The following HSD17B2 variants were observed in gnomAD, a reference collection of about 807,000 sequenced individuals.
The protein encoded by HSD17B2 is hydroxysteroid 17-beta dehydrogenase 2, also known as 17-beta-hydroxysteroid dehydrogenase type 2.
In HSD17B2, 32 loss-of-function variants were observed where a neutral mutation model predicts 26.9. That is an observed-to-expected ratio of 1.19 (90% CI 0.90 to 1.60). HSD17B2 has a LOEUF of 1.60. Among genes scored for constraint, HSD17B2 ranks in the 40% most tolerant of loss-of-function variants. HSD17B2 has a pLI of 0.00. For missense variants in HSD17B2, 613 were observed against 468.6 expected, an observed-to-expected ratio of 1.31 and a Z score of -2.85; for synonymous variants, 246 against 186.7, an observed-to-expected ratio of 1.32 and a Z score of -2.59.
intron 1 of HSD17B2, among the ~76,000 whole-genome samples, chr16:82,047,583 G>A (rs1263648437): frequency 6.6e-6 from 1 of 152,190 alleles, no homozygotes; most frequent in African/African-American, 2.4e-5. Flanking sequence ...GGGCAGAAGT[G>A]AGAAGAGGCA....
intron 2 of HSD17B2, among the ~76,000 whole-genome samples, chr16:82,070,135 G>T (rs1454711105): frequency 1.3e-5 from 2 of 151,886 alleles, no homozygotes; most frequent in Admixed American, 6.6e-5. Context: ...GTCAAATGTT[G>T]TTTTTTTTCC....
At chr16:82,085,363 T>G (rs1460352158) in intron 3 of HSD17B2, among the ~76,000 whole-genome samples, 1 of 152,136 alleles carries the variant, frequency 6.6e-6, no homozygotes, top group Non-Finnish European at 1.5e-5. Context: ...CTGGGTTGTG[T>G]GAGAGATTTA....
chr16:82,048,407 CA>C (rs1465042239), intron 1 of HSD17B2, among the ~76,000 whole-genome samples: 1 of 152,068 alleles, frequency 6.6e-6, no homozygotes, highest in African/African-American at 2.4e-5. Context: ...GGAAAGGGCA[CA>C]GGAAGGAGTC....
chr16:82,074,904 TCTC>T (rs1904293606), intron 3 of HSD17B2, among the ~76,000 whole-genome samples: 1 of 152,188 alleles, frequency 6.6e-6, no homozygotes. Flanking sequence ...TATGCATTCT[TCTC>T]CTGAGCACAT....
intron 4 of HSD17B2, chr16:82,096,429 G>C (rs1183616656): frequency 6.6e-6 from 1 of 151,856 alleles, no homozygotes; most frequent in Non-Finnish European, 1.5e-5. Flanking sequence ...TCACCATGTT[G>C]GCTAGGCTGG....
intron 4 of HSD17B2, chr16:82,094,197 C>A (rs1248707876): frequency 4.6e-5 from 7 of 152,110 alleles, no homozygotes; most frequent in African/African-American, 1.4e-4. Context: ...GAATGCAGCC[C>A]AGCAGGTCTC....
At chr16:82,092,720 G>C (rs535537454) in intron 4 of HSD17B2, 1 of 152,348 alleles carries the variant, frequency 6.6e-6, no homozygotes, top group Non-Finnish European at 1.5e-5. Context: ...GGGACTCCCT[G>C]GGTTGGGAGG....
At chr16:82,047,379 T>A (rs4589548) in intron 1 of HSD17B2, among the ~76,000 whole-genome samples, 1 of 152,182 alleles carries the variant, frequency 6.6e-6, no homozygotes, top group African/African-American at 2.4e-5. Flanking sequence ...TGATTAGCAG[T>A]GTGGAAAGGG....
At chr16:82,046,465 G>A (rs1004719264) in intron 1 of HSD17B2, among the ~76,000 whole-genome samples, 1 of 152,156 alleles carries the variant, frequency 6.6e-6, no homozygotes, top group African/African-American at 2.4e-5. Context: ...GCTCACGCCT[G>A]TAATCCCAGC....
chr16:82,054,604 C>A (rs1914210288), intron 1 of HSD17B2, among the ~76,000 whole-genome samples: 1 of 152,194 alleles, frequency 6.6e-6, no homozygotes, highest in Admixed American at 6.5e-5. Context: ...CCCAGCCTCC[C>A]AAAGTGCTGG....
chr16:82,080,942 T>C (rs1001662381), intron 3 of HSD17B2, among the ~76,000 whole-genome samples: 51 of 152,120 alleles, frequency 3.4e-4, no homozygotes, highest in African/African-American at 1.2e-3. Flanking sequence ...GTTGTTGTTT[T>C]TGTTTTTTTT....
intron 3 of HSD17B2, among the ~76,000 whole-genome samples, chr16:82,072,185 T>C (rs529717690): frequency 4.5e-4 from 69 of 152,116 alleles, no homozygotes; most frequent in African/African-American, 1.5e-3. Flanking sequence ...TTGGTTGGCC[T>C]GAGGCATAAA....
chr16:82,055,140 T>G (rs1358822540), intron 1 of HSD17B2, among the ~76,000 whole-genome samples: 1 of 152,242 alleles, frequency 6.6e-6, no homozygotes, highest in Admixed American at 6.5e-5. Context: ...AAAGGCCACA[T>G]GGACTGGCCT....
At chr16:82,060,192 T>C (rs977457434) in intron 1 of HSD17B2, among the ~76,000 whole-genome samples, 6 of 152,200 alleles carry the variant, frequency 3.9e-5, no homozygotes, top group African/African-American at 1.4e-4. Context: ...GCCTAAGTCT[T>C]AAACTAAAGG....
At chr16:82,096,658 A>G (rs1904848189) in intron 4 of HSD17B2, 1 of 152,068 alleles carries the variant, frequency 6.6e-6, no homozygotes, top group Admixed American at 6.6e-5. Context: ...GATATATTAT[A>G]TATGTAATAG....
intron 2 of HSD17B2, among the ~76,000 whole-genome samples, chr16:82,070,173 G>T (rs1384751568): frequency 2.0e-5 from 3 of 151,916 alleles, no homozygotes; most frequent in Non-Finnish European, 4.4e-5. Context: ...AAATCGGTTT[G>T]CTCTCCTGCA....
At chr16:82,041,938 C>T (rs1394390972) in intron 1 of HSD17B2, among the ~76,000 whole-genome samples, 2 of 151,670 alleles carry the variant, frequency 1.3e-5, no homozygotes, top group Non-Finnish European at 2.9e-5. Flanking sequence ...TTAAATTTGG[C>T]ATGTTTTAAA....
At chr16:82,052,750 C>A (rs561080111) in intron 1 of HSD17B2, among the ~76,000 whole-genome samples, 3 of 152,312 alleles carry the variant, frequency 2.0e-5, no homozygotes, top group South Asian at 2.1e-4. Context: ...TACTGAAGAT[C>A]ACATGTAGTA....
chr16:82,048,518 G>C (rs1487706964), intron 1 of HSD17B2, among the ~76,000 whole-genome samples: 1 of 152,098 alleles, frequency 6.6e-6, no homozygotes, highest in African/African-American at 2.4e-5. Flanking sequence ...TTAGCTCCAG[G>C]GAACATGAAG....
Sources: allele counts gnomAD v4.1 joint callset (sites outside exome capture counted in the v4.1 genomes callset), GRCh38; gene constraint gnomAD v4.1.1; transcripts MANE v1.5; gene names NCBI Gene and HGNC (gene_info 2026-07-23, HGNC 2026-07-21).